Variants in AXIN1 observed in about 807,000 individuals in gnomAD.
AXIN1 encodes axin-1.
Under a neutral mutation model 76.4 loss-of-function variants are expected in AXIN1, and 30 were observed. That is an observed-to-expected ratio of 0.39 (90% CI 0.29 to 0.53). The LOEUF (loss-of-function observed/expected upper bound fraction) is 0.53. Among genes scored for constraint, AXIN1 ranks in the 20% least tolerant of loss-of-function variants. The pLI is 0.66. For missense variants in AXIN1, 1,140 were observed against 1,198.8 expected, an observed-to-expected ratio of 0.95 and a Z score of 0.72; for synonymous variants, 545 against 501.4, an observed-to-expected ratio of 1.09 and a Z score of -1.16.
chr16:325,918 G>C (rs1298644233), intron 2 of AXIN1, among the ~76,000 whole-genome samples: 3 of 152,112 alleles, frequency 2.0e-5, no homozygotes, highest in Non-Finnish European at 2.9e-5. Flanking sequence ...TGCAGATGCT[G>C]ACCACAGAGA....
At chr16:302,228 T>G (rs564546458) in intron 5 of AXIN1, among the ~76,000 whole-genome samples, 1 of 152,338 alleles carries the variant, frequency 6.6e-6, no homozygotes, top group Admixed American at 6.5e-5. Context: ...TTCCCGATAT[T>G]GGAGGACAAA....
chr16:349,130 A>T (rs957761339), intron 1 of AXIN1, among the ~76,000 whole-genome samples: 14 of 152,020 alleles, frequency 9.2e-5, no homozygotes, highest in Admixed American at 2.6e-4. Flanking sequence ...AAAATAAAAT[A>T]AAATTAGTAA....
rs2141702037 is a variant in AXIN1 at position 346,337 on chromosome 16, G to A, written c.689C>T (p.Thr230Ile). The A allele has an allele frequency of 1.2e-6, 2 of 1,614,144 alleles. No individual in the cohort carries two copies. Among genetic ancestry groups the A allele is most frequent in the Middle Eastern group, 1.6e-4 (1 of 6,062 alleles). ...CAGGTATCCAGATATGCCCTTCCCT[G>A]TCCCTGACCCAGAGCTCTGGTCACT... ...VCSDQSSGSGTGKGISGYLPT... is the reference protein window; with the variant it reads ...VCSDQSSGSGIGKGISGYLPT... The change falls in exon 2 of 11, where the codon ACA becomes ATA. Residue 230 changes from threonine (T) to isoleucine (I), a missense_variant. Thr to Ile is a moderately conservative substitution (Grantham distance 89, BLOSUM62 -1). Transcript: ENST00000262320.
intron 2 of AXIN1, among the ~76,000 whole-genome samples, chr16:323,542 G>C (rs2053510505): frequency 6.6e-6 from 1 of 151,898 alleles, no homozygotes; most frequent in South Asian, 2.1e-4. Context: ...AGCACTTTGG[G>C]AGGCCGAGGC....
At position 310,086 on chromosome 16, in the gene AXIN1, G is replaced by A; in HGVS notation, c.1020-17C>T. ...ATCCCATCCCTGTCCAGGAGAAAGA[G>A]GCAGCCGTTAACTCAGAGAGGAGCA... On this transcript the variant is annotated splice_polypyrimidine_tract_variant and intron_variant, in intron 3 of 10. Transcript: ENST00000262320. 1.9e-6 allele frequency: 3 copies of A among 1,598,424 alleles called. No individual in the cohort carries two copies. The highest frequency in any genetic ancestry group is 1.7e-6 in the Non-Finnish European group (2 of 1,172,972).
At chr16:302,426 G>A (rs1215762412) in intron 5 of AXIN1, among the ~76,000 whole-genome samples, 1 of 152,220 alleles carries the variant, frequency 6.6e-6, no homozygotes, top group Non-Finnish European at 1.5e-5. Flanking sequence ...AAAACAAATC[G>A]ACGTCTGTGT....
At position 343,308 on chromosome 16, in the gene AXIN1, A is replaced by G. The variant is rs184217179; in HGVS notation, c.878+2840T>C. Among the ~76,000 whole-genome samples the G allele has an allele frequency of 1.1e-3, 175 of 152,340 alleles. 1 individual carries two copies. Among genetic ancestry groups the G allele is most frequent in the Middle Eastern group, 3.4e-3 (1 of 294 alleles). The stretch of plus-strand genomic sequence containing the variant: ...TACTGCTCGCAGCCAAGAACTGAAG[A>G]GTGGCTGGGAGGGAGGCACTGGGGT... On this transcript the variant is annotated intron_variant, in intron 2 of 10. Transcript: ENST00000262320.
At chr16:342,282 G>T (rs1238180880) in intron 2 of AXIN1, among the ~76,000 whole-genome samples, 1 of 152,160 alleles carries the variant, frequency 6.6e-6, no homozygotes, top group Non-Finnish European at 1.5e-5. Flanking sequence ...AACGTCAGAA[G>T]GAACAAACTC....
At chr16:294,746 A>G (rs1354136554) in intron 7 of AXIN1, among the ~76,000 whole-genome samples, 1 of 89,878 alleles carries the variant, frequency 1.1e-5, no homozygotes, top group Non-Finnish European at 2.1e-5. Flanking sequence ...CAGGAGCGAA[A>G]CCCCATCTCA....
chr16:320,171 C>T (rs534070367), intron 2 of AXIN1, among the ~76,000 whole-genome samples: 16 of 152,258 alleles, frequency 1.1e-4, no homozygotes, highest in African/African-American at 2.9e-4. Flanking sequence ...CTTAGCTTCC[C>T]AGGTAGGTGG....
chr16:304,505 A>C, intron 4 of AXIN1, 64 bp from the exon 5 acceptor site: 1 of 1,608,120 alleles, frequency 6.2e-7, no homozygotes, highest in Non-Finnish European at 8.5e-7. Flanking sequence ...TTTCTTTGTG[A>C]AGGGAAAGAG....
chr16:329,742 G>A (rs1258815143), intron 2 of AXIN1, among the ~76,000 whole-genome samples: 2 of 151,888 alleles, frequency 1.3e-5, no homozygotes, highest in African/African-American at 4.8e-5. Context: ...TCCTGCTTCA[G>A]CCTCCCGAGT....
At chr16:329,392 T>C (rs535727281) in intron 2 of AXIN1, among the ~76,000 whole-genome samples, 2 of 151,782 alleles carry the variant, frequency 1.3e-5, no homozygotes, top group Middle Eastern at 3.2e-3. Context: ...CTAGATAGAA[T>C]AGTAGTATCT....
At chr16:349,055 G>A (rs887855466) in intron 1 of AXIN1, among the ~76,000 whole-genome samples, 8 of 151,998 alleles carry the variant, frequency 5.3e-5, no homozygotes, top group East Asian at 1.9e-4. Flanking sequence ...CCGACACCGC[G>A]CCGGCCACTG....
chr16:308,540 C>G (rs1336871269), intron 4 of AXIN1, among the ~76,000 whole-genome samples: 1 of 152,256 alleles, frequency 6.6e-6, no homozygotes, highest in Non-Finnish European at 1.5e-5. Context: ...AGGGCTGTTC[C>G]GGGCCTGTGG....
intron 2 of AXIN1, among the ~76,000 whole-genome samples, chr16:323,310 G>A (rs1351028107): frequency 1.3e-5 from 2 of 151,414 alleles, no homozygotes; most frequent in Admixed American, 1.3e-4. Context: ...GCGGTGGCGG[G>A]CACCTGTAGT....
chr16:325,875 C>G (rs1490267918), intron 2 of AXIN1, among the ~76,000 whole-genome samples: 2 of 152,116 alleles, frequency 1.3e-5, no homozygotes, highest in African/African-American at 2.4e-5. Flanking sequence ...CATGAACTTC[C>G]ATATGAATGT....
intron 2 of AXIN1, among the ~76,000 whole-genome samples, chr16:341,381 C>T (rs530834838): frequency 7.2e-5 from 11 of 152,348 alleles, no homozygotes; most frequent in Admixed American, 5.2e-4. Context: ...CTGCCGGCCG[C>T]GGGCAATGAG....
chr16:342,200 G>C (rs1359542443), intron 2 of AXIN1, among the ~76,000 whole-genome samples: 1 of 152,076 alleles, frequency 6.6e-6, no homozygotes, highest in African/African-American at 2.4e-5. Context: ...TCACCGCGAA[G>C]ATCTGCAGCT....
Sources: allele counts gnomAD v4.1 joint callset (sites outside exome capture counted in the v4.1 genomes callset), GRCh38; gene constraint gnomAD v4.1.1; transcripts MANE v1.5; gene names NCBI Gene and HGNC (gene_info 2026-07-23, HGNC 2026-07-21).